ARL8B: variants seen among roughly 807,000 people sequenced by gnomAD.
ARL8B encodes ADP-ribosylation factor-like protein 8B.
In ARL8B, 9 loss-of-function variants were observed where a neutral mutation model predicts 30.6. The ratio of observed to expected loss-of-function variants is 0.29; its 90% confidence interval spans 0.18 to 0.51. ARL8B has a LOEUF of 0.51. Among genes scored for constraint, ARL8B ranks in the 20% least tolerant of loss-of-function variants. The pLI is 0.97. For synonymous variants in ARL8B, 74 were observed against 76.0 expected, an observed-to-expected ratio of 0.97 and a Z score of 0.14; for missense variants, 130 against 227.2, an observed-to-expected ratio of 0.57 and a Z score of 2.75.
intron 1 of ARL8B, among the ~76,000 whole-genome samples, chr3:5,164,297 A>G (rs2054606234): frequency 6.6e-6 from 1 of 152,184 alleles, no homozygotes; most frequent in Admixed American, 6.5e-5. Flanking sequence ...GAATTTTACT[A>G]TTATTATTAC....
chr3:5,140,992 C>T (rs1449707796), intron 1 of ARL8B, among the ~76,000 whole-genome samples: 2 of 152,218 alleles, frequency 1.3e-5, no homozygotes, highest in African/African-American at 4.8e-5. Flanking sequence ...CAAGTCCCTC[C>T]CCCAGCTCCT....
rs550601097 is a variant in ARL8B, at chr3:5,140,489, C to G, written c.123+17901C>G. On this transcript the variant is annotated intron_variant, in intron 1 of 6. Transcript: ENST00000256496. ...AACTGTGAGTCAATTAAACCTCTTT[C>G]CTTTGTAAATTACCAGTCTTGGGTA... Among the ~76,000 whole-genome samples the G allele has an allele frequency of 2.0e-5, 3 of 152,096 alleles. No homozygotes were observed. The South Asian group carries it at 6.2e-4, about 32-fold the overall frequency.
At chr3:5,155,584 T>G (rs192264316) in intron 1 of ARL8B, among the ~76,000 whole-genome samples, 13 of 152,190 alleles carry the variant, frequency 8.5e-5, no homozygotes, top group African/African-American at 3.1e-4. Flanking sequence ...CTGTTCACTT[T>G]TCTTCATTTT....
chr3:5,164,728 C>A (rs890824230), intron 1 of ARL8B, among the ~76,000 whole-genome samples: 1 of 152,046 alleles, frequency 6.6e-6, no homozygotes, highest in African/African-American at 2.4e-5. Context: ...TCAGTTGACC[C>A]AATAATATCA....
rs527263281 is a variant in ARL8B, at chr3:5,125,609, T to C, written c.123+3021T>C. Among the ~76,000 whole-genome samples, 89 of 151,942 alleles carry C rather than the reference T, an allele frequency of 5.9e-4. 1 individual carries two copies. The highest frequency in any genetic ancestry group is 9.9e-4 in the Non-Finnish European group (67 of 67,994). ...GTGCAGTGGCATGATCTTGGCTCAC[T>C]GCAACCTCTGCCTCCTGGGTTCAAG... On this transcript the variant is annotated intron_variant, in intron 1 of 6. Coordinates refer to ENST00000256496, the MANE Select transcript of ARL8B (RefSeq NM_018184.3).
chr3:5,164,249 A>G (rs567744844), intron 1 of ARL8B, among the ~76,000 whole-genome samples: 2 of 152,132 alleles, frequency 1.3e-5, no homozygotes, highest in Admixed American at 1.3e-4. Flanking sequence ...TTTTTCCTGA[A>G]CTAATTGTCA....
At chr3:5,125,670 C>T (rs536143426) in intron 1 of ARL8B, among the ~76,000 whole-genome samples, 2 of 152,030 alleles carry the variant, frequency 1.3e-5, no homozygotes, top group Non-Finnish European at 2.9e-5. Flanking sequence ...GTAGCTGGGA[C>T]TACAGGCGAC....
intron 6 of ARL8B, 53 bp from the exon 7 acceptor site, chr3:5,178,607 CTGTT>C (rs2054751205): frequency 2.6e-6 from 4 of 1,531,274 alleles, no homozygotes; most frequent in Admixed American, 3.7e-5. Flanking sequence ...AATATTGTCT[CTGTT>C]TGATGTTTAG....
intron 6 of ARL8B, among the ~76,000 whole-genome samples, chr3:5,177,699 C>A (rs2054742622): frequency 6.6e-6 from 1 of 152,156 alleles, no homozygotes; most frequent in Non-Finnish European, 1.5e-5. Flanking sequence ...CAGGTGATCA[C>A]CTGCCTCGGC....
intron 4 of ARL8B, among the ~76,000 whole-genome samples, chr3:5,173,298 G>C (rs2054693236): frequency 6.6e-6 from 1 of 152,210 alleles, no homozygotes; most frequent in Admixed American, 6.5e-5. Flanking sequence ...GAAGAGGCCA[G>C]TCTCTAGAAT....
intron 1 of ARL8B, among the ~76,000 whole-genome samples, chr3:5,123,986 G>A (rs186411682): frequency 1.6e-3 from 247 of 152,158 alleles, no homozygotes; most frequent in African/African-American, 5.7e-3. Context: ...CGATTTTCCT[G>A]CCTCCACCTC....
chr3:5,143,851 G>T (rs2054397019), intron 1 of ARL8B, among the ~76,000 whole-genome samples: 1 of 152,222 alleles, frequency 6.6e-6, no homozygotes. Context: ...AAAGTAGGAA[G>T]ATCTGTAGCT....
At chr3:5,144,037 T>C (rs1296595002) in intron 1 of ARL8B, among the ~76,000 whole-genome samples, 1 of 152,212 alleles carries the variant, frequency 6.6e-6, no homozygotes, top group Non-Finnish European at 1.5e-5. Flanking sequence ...CTTTCTACTT[T>C]TCTAGAGGAA....
chr3:5,172,389 C>T (rs888218191), intron 3 of ARL8B, among the ~76,000 whole-genome samples, 166 bp downstream of exon 3: 24 of 152,210 alleles, frequency 1.6e-4, no homozygotes, highest in Admixed American at 8.5e-4. Flanking sequence ...AAAAATTAAT[C>T]ATAGAATAAG....
chr3:5,172,092 T>C (rs907265533), intron 2 of ARL8B, 58 bp from the exon 3 acceptor site: 1 of 1,467,046 alleles, frequency 6.8e-7, no homozygotes, highest in Non-Finnish European at 9.5e-7. Flanking sequence ...TGTTACTTCC[T>C]CTTGCAATCA....
chr3:5,130,736 A>C (rs1394903617), intron 1 of ARL8B, among the ~76,000 whole-genome samples: 4 of 151,766 alleles, frequency 2.6e-5, no homozygotes, highest in Non-Finnish European at 5.9e-5. Context: ...GGGTTTCGCT[A>C]CGTTGGCCAG....
At chr3:5,126,453 A>G (rs901576827) in intron 1 of ARL8B, among the ~76,000 whole-genome samples, 15 of 152,236 alleles carry the variant, frequency 9.9e-5, no homozygotes, top group Non-Finnish European at 1.0e-4. Flanking sequence ...TTTTGTAAAA[A>G]TCAACATTTT....
intron 1 of ARL8B, among the ~76,000 whole-genome samples, chr3:5,126,848 A>AATGT (rs1379787454): frequency 9.8e-5 from 15 of 152,338 alleles, no homozygotes; most frequent in African/African-American, 3.4e-4. Flanking sequence ...CTATATGTGT[A>AATGT]ATGTATATTG....
At chr3:5,146,156 T>G (rs999561752) in intron 1 of ARL8B, among the ~76,000 whole-genome samples, 8 of 152,146 alleles carry the variant, frequency 5.3e-5, no homozygotes, top group African/African-American at 1.9e-4. Flanking sequence ...TTTCTCCCAG[T>G]TGTAGGATTT....
Sources: allele counts gnomAD v4.1 joint callset (sites outside exome capture counted in the v4.1 genomes callset), GRCh38; gene constraint gnomAD v4.1.1; transcripts MANE v1.5; gene names NCBI Gene and HGNC (gene_info 2026-07-23, HGNC 2026-07-21).